Variants in SPATS2 observed in about 807,000 individuals in gnomAD.
SPATS2 encodes spermatogenesis-associated serine-rich protein 2.
Under a neutral mutation model 63.7 loss-of-function variants are expected in SPATS2, and 38 were observed. The observed-to-expected ratio is 0.60, with a 90% CI of 0.46 to 0.78. The LOEUF is 0.78. Among genes scored for constraint, SPATS2 ranks in the 30% least tolerant of loss-of-function variants. The probability of loss-of-function intolerance (pLI) is 0.00; values close to 1 mark genes in which losing one functional copy is unlikely to be tolerated. For missense variants in SPATS2, 588 were observed against 666.2 expected, an observed-to-expected ratio of 0.88 and a Z score of 1.29; for synonymous variants, 207 against 232.9, an observed-to-expected ratio of 0.89 and a Z score of 1.01.
intron 9 of SPATS2, among the ~76,000 whole-genome samples, chr12:49,502,320 A>G (rs145350765): frequency 6.6e-6 from 1 of 152,362 alleles, no homozygotes; most frequent in African/African-American, 2.4e-5. Flanking sequence ...AATGCCTCCA[A>G]AAAGTTAAAT....
At chr12:49,399,658 G>C (rs944697457) in intron 2 of SPATS2, among the ~76,000 whole-genome samples, 1 of 152,194 alleles carries the variant, frequency 6.6e-6, no homozygotes, top group Non-Finnish European at 1.5e-5. Context: ...AGTTGTTTCG[G>C]ATTGGTAGTG....
At position 49,526,817 on chromosome 12, in the gene SPATS2, C is replaced by CT. The variant is rs1304107546; in HGVS notation, c.*564dup. 1 of 152,666 alleles carries CT rather than the reference C, an allele frequency of 6.6e-6. No homozygotes were observed. The highest frequency in any genetic ancestry group is 1.5e-5 in the Non-Finnish European group (1 of 68,530). The allele number at this position is 152,666 out of a possible 1,614,324, so 9.5% of individuals were successfully genotyped here. Reference sequence around the variant, plus strand: ...ACTCAAATCAGTGTTTAGTCTTCTGCTTGGCACCATAGCTTAACCTGCAGT... The same window carrying CT: ...ACTCAAATCAGTGTTTAGTCTTCTGCTTTGGCACCATAGCTTAACCTGCAGT... On this transcript the variant is annotated 3_prime_UTR_variant, in exon 14 of 14. Coordinates refer to ENST00000552918, the MANE Select transcript of SPATS2 (RefSeq NM_023071.4).
intron 2 of SPATS2, among the ~76,000 whole-genome samples, chr12:49,385,389 T>TGTGTGTGTGG (rs1247586382): frequency 1.3e-5 from 2 of 150,624 alleles, no homozygotes; most frequent in Non-Finnish European, 3.0e-5. Flanking sequence ...TGTGTGTGTG[T>TGTGTGTGTGG]GGCAGAGACA....
intron 3 of SPATS2, chr12:49,462,812 C>T (rs1047867934): frequency 5.1e-4 from 139 of 270,858 alleles, no homozygotes; most frequent in Non-Finnish European, 2.0e-4. Flanking sequence ...CACTTCTCTC[C>T]GACATCCTGA....
At chr12:49,448,375 A>G (rs1169767960) in intron 2 of SPATS2, among the ~76,000 whole-genome samples, 3 of 151,868 alleles carry the variant, frequency 2.0e-5, no homozygotes, top group African/African-American at 4.8e-5. Context: ...TCCTGACCTC[A>G]TGATCTGCCC....
At chr12:49,486,499 G>C (rs994598270) in intron 4 of SPATS2, among the ~76,000 whole-genome samples, 9 of 152,174 alleles carry the variant, frequency 5.9e-5, no homozygotes, top group Non-Finnish European at 1.3e-4. Flanking sequence ...GCATCCAGCA[G>C]AGTCTGTAAT....
intron 11 of SPATS2, among the ~76,000 whole-genome samples, chr12:49,520,876 G>A (rs1294668024): frequency 6.6e-6 from 1 of 151,768 alleles, no homozygotes; most frequent in Non-Finnish European, 1.5e-5. Context: ...GTGTCACCAC[G>A]CCCTGCTAAT....
intron 2 of SPATS2, among the ~76,000 whole-genome samples, chr12:49,412,066 A>G (rs1944806662): frequency 6.6e-6 from 1 of 152,176 alleles, no homozygotes; most frequent in Non-Finnish European, 1.5e-5. Context: ...GGCCTTAGAA[A>G]TAGTGGTTAT....
In SPATS2 at chr12:49,469,389, C is replaced by CAAA. The variant is rs779364300; in HGVS notation, c.25+8374_25+8376dup. 248 of 69,090 alleles carry CAAA rather than the reference C, an allele frequency of 3.6e-3. 2 individuals carry two copies. The highest frequency in any genetic ancestry group is 3.8e-3 in the Admixed American group (15 of 3,902). The allele number at this position is 69,090 out of a possible 1,614,324, so 4.3% of individuals were successfully genotyped here. ...TGGGCAACAGAGTGAGACTCTGTCT[C>CAAA]AAAAAAAAAAAAAAAAAAAAAAAAG... On this transcript the variant is annotated intron_variant, in intron 3 of 13. Coordinates refer to ENST00000552918, the MANE Select transcript of SPATS2 (RefSeq NM_023071.4).
At chr12:49,442,113 A>G (rs1340163024) in intron 2 of SPATS2, among the ~76,000 whole-genome samples, 6 of 152,202 alleles carry the variant, frequency 3.9e-5, no homozygotes, top group Non-Finnish European at 8.8e-5. Context: ...TATAGGATAT[A>G]AAAACTACCT....
intron 3 of SPATS2, among the ~76,000 whole-genome samples, chr12:49,479,770 A>T (rs1946175778): frequency 6.6e-6 from 1 of 152,244 alleles, no homozygotes; most frequent in Non-Finnish European, 1.5e-5. Context: ...TGTGTAAGGA[A>T]TATCAGTAGA....
chr12:49,447,466 T>G (rs1945534125), intron 2 of SPATS2, among the ~76,000 whole-genome samples: 1 of 149,592 alleles, frequency 6.7e-6, no homozygotes, highest in Admixed American at 6.7e-5. Flanking sequence ...CTCAATCTCT[T>G]GACCTCGTGA....
chr12:49,460,530 CA>C (rs1306303261), intron 2 of SPATS2, among the ~76,000 whole-genome samples: 1 of 152,124 alleles, frequency 6.6e-6, no homozygotes, highest in Non-Finnish European at 1.5e-5. Context: ...GGGGATATTT[CA>C]GATGGATACA....
At position 49,387,547 on chromosome 12, in the gene SPATS2, G is replaced by C. The variant is rs192442292; in HGVS notation, c.-244+16257G>C. On this transcript the variant is annotated intron_variant, in intron 2 of 13. Transcript: ENST00000552918. ...AACTACTCGGGAGGATGAGGCAGGAGAATCTCTTGAAGCTGGGAGGTTGAG... is the reference window on the plus strand; with the variant it reads ...AACTACTCGGGAGGATGAGGCAGGACAATCTCTTGAAGCTGGGAGGTTGAG... Among the ~76,000 whole-genome samples the C allele has an allele frequency of 7.3e-5, 11 of 149,982 alleles. No individual in the cohort carries two copies. In the East Asian group the frequency reaches 2.2e-3, roughly 30 times the overall value.
At chr12:49,447,431 G>T (rs1217953410) in intron 2 of SPATS2, among the ~76,000 whole-genome samples, 1 of 151,442 alleles carries the variant, frequency 6.6e-6, no homozygotes, top group East Asian at 1.9e-4. Flanking sequence ...TAGAGATGGG[G>T]TTTCACCATG....
At chr12:49,393,582 C>G (rs957306217) in intron 2 of SPATS2, among the ~76,000 whole-genome samples, 1 of 152,092 alleles carries the variant, frequency 6.6e-6, no homozygotes, top group African/African-American at 2.4e-5. Flanking sequence ...CCAAAAATGA[C>G]TAATGTGTTT....
chr12:49,373,630 C>T lies in SPATS2; in HGVS notation c.-244+2340C>T, dbSNP rs150186190. On this transcript the variant is annotated intron_variant, in intron 2 of 13. Transcript: ENST00000552918. ...AACAGCGAGACCCTGTCTCTGCAAA[C>T]AATTAAAAAATTAGAGCTGGGCATG... Among the ~76,000 whole-genome samples, 124 of 151,602 alleles carry T rather than the reference C, an allele frequency of 8.2e-4. 1 individual carries two copies. Among genetic ancestry groups the T allele is most frequent in the African/African-American group, 2.7e-3 (113 of 41,326 alleles).
intron 12 of SPATS2, 30 bp downstream of exon 12, chr12:49,522,883 A>T (rs368469004): frequency 1.8e-5 from 29 of 1,577,194 alleles, no homozygotes; most frequent in Middle Eastern, 1.7e-4. Flanking sequence ...TGGGCACTAC[A>T]GGTGGTGATT....
chr12:49,395,570 G>T (rs191397829), intron 2 of SPATS2, among the ~76,000 whole-genome samples: 1 of 150,908 alleles, frequency 6.6e-6, no homozygotes, highest in African/African-American at 2.4e-5. Flanking sequence ...GATTACAGGC[G>T]CCCATCACCA....
Sources: allele counts gnomAD v4.1 joint callset (sites outside exome capture counted in the v4.1 genomes callset), GRCh38; gene constraint gnomAD v4.1.1; transcripts MANE v1.5; gene names NCBI Gene and HGNC (gene_info 2026-07-23, HGNC 2026-07-21).